EYS: variants seen among roughly 807,000 people sequenced by gnomAD.
The protein encoded by EYS is protein eyes shut homolog.
In EYS, 250 loss-of-function variants were observed where a neutral mutation model predicts 282.1. The ratio of observed to expected loss-of-function variants is 0.89; its 90% CI spans 0.80 to 0.98. EYS has a LOEUF of 0.98. EYS is among the 50% of genes least tolerant of loss of function. EYS has a pLI of 0.00. For missense variants in EYS, 4,016 were observed against 3,709.0 expected (o/e 1.08, Z -2.15); for synonymous variants, 1,355 against 1,282.9 (o/e 1.06, Z -1.20).
Position 65,330,639 on chromosome 6 carries a change from G to A in EYS, c.1766+4341C>T, listed in dbSNP as rs1502966. 3.6e-3 allele frequency: 3,317 copies of A among 933,126 alleles called. 81 individuals carry two copies. The African/African-American group carries it at 0.054, about 15-fold the overall frequency. 57.8% of individuals were successfully genotyped at this position (933,126 alleles called of 1,614,324 possible). A position where few individuals can be genotyped will look rare whatever the true frequency, so the allele number is the denominator to read the frequency against. ...ACACTTTAAAAGAAAATGTTTATAC[G>A]CTATTCATTAACTTTGTGTCCGTTA... On this transcript the variant is annotated intron_variant, in intron 11 of 42. Transcript: ENST00000503581.
rs571965626 is a variant in EYS, at chr6:63,885,803, G to A, written c.7056-21445C>T. Among the ~76,000 whole-genome samples the A allele has an allele frequency of 5.3e-5, 8 of 152,124 alleles. No individual in the cohort carries two copies. The East Asian group carries it at 9.6e-4, about 18-fold the overall frequency. The stretch of plus-strand genomic sequence containing the variant: ...CCTTTGCAAGAACTTGACCCAATTC[G>A]GGACTAAAAAGAAAATCTTTATATT... On this transcript the variant is annotated intron_variant, in intron 35 of 42. Transcript: ENST00000503581.
In EYS at chr6:64,471,310, T is replaced by C. The variant is rs77949171; in HGVS notation, c.5645-31958A>G. 3.9e-5 allele frequency among the ~76,000 whole-genome samples: 6 copies of C among 152,210 alleles called. No homozygotes were observed. In the East Asian group the frequency reaches 1.2e-3, roughly 29 times the overall value. On this transcript the variant is annotated intron_variant, in intron 26 of 42. Coordinates refer to ENST00000503581, the MANE Select transcript of EYS (RefSeq NM_001142800.2). Reference sequence around the variant, plus strand: ...AAAAGAGGAAGTCAAATTGTCTCTGTTTGCAGGTGATATAATCCTATGTAG... The same window carrying C: ...AAAAGAGGAAGTCAAATTGTCTCTGCTTGCAGGTGATATAATCCTATGTAG...
At chr6:64,646,493 T>A (rs1400939791) in intron 22 of EYS, among the ~76,000 whole-genome samples, 1 of 152,102 alleles carries the variant, frequency 6.6e-6, no homozygotes, top group East Asian at 1.9e-4. Flanking sequence ...TTTATGAAGT[T>A]TGAGATATTT....
At chr6:64,444,371 A>T (rs375196517) in intron 26 of EYS, among the ~76,000 whole-genome samples, 7 of 152,250 alleles carry the variant, frequency 4.6e-5, no homozygotes, top group African/African-American at 1.4e-4. Flanking sequence ...TTTTTATCTA[A>T]TACCATTTTT....
chr6:64,227,347 T>A (rs1472519083), intron 31 of EYS, among the ~76,000 whole-genome samples: 1 of 152,204 alleles, frequency 6.6e-6, no homozygotes, highest in East Asian at 1.9e-4. Context: ...TAAAGAAAAC[T>A]CTCTTTTCTT....
rs754217216 is a variant in EYS at position 65,405,325 on chromosome 6, A to G, written c.905T>C (p.Leu302Pro). 7 of 1,613,250 alleles carry G rather than the reference A, an allele frequency of 4.3e-6. No individual in the cohort carries two copies. Among genetic ancestry groups the G allele is most frequent in the Non-Finnish European group, 5.9e-6 (7 of 1,179,598 alleles). Residue 302 changes from leucine to proline, a missense_variant, in exon 6 of 43, where the codon CTT becomes CCT. Leu to Pro is a moderately conservative substitution (Grantham distance 98, BLOSUM62 -3). Transcript: ENST00000503581. ...TGGGCAAATTCCTCTTTTCCAAAAA[A>G]GCAGAGAAACACAAGGTTTTGCTGA... Reference protein sequence around the residue: ...EVSAKPCVSLLFWKRGICPNS... With the variant: ...EVSAKPCVSLPFWKRGICPNS...
intron 1 of EYS, among the ~76,000 whole-genome samples, chr6:65,680,130 C>G (rs991678392): frequency 6.8e-6 from 1 of 147,860 alleles, no homozygotes; most frequent in Non-Finnish European, 1.5e-5. Context: ...CAAATGTTCT[C>G]AATCAATATA....
intron 39 of EYS, among the ~76,000 whole-genome samples, chr6:63,780,502 T>A (rs1216576387): frequency 1.3e-5 from 2 of 152,264 alleles, no homozygotes; most frequent in African/African-American, 4.8e-5. Flanking sequence ...TGGCCACTGA[T>A]GATGAGCATT....
At chr6:64,133,475 T>C (rs1432156655) in intron 31 of EYS, among the ~76,000 whole-genome samples, 3 of 108,114 alleles carry the variant, frequency 2.8e-5, no homozygotes, top group Non-Finnish European at 6.0e-5. Flanking sequence ...TTTGCATTAC[T>C]TCACACACAC....
intron 30 of EYS, among the ~76,000 whole-genome samples, chr6:64,295,485 AAGAAG>A (rs1392813037): frequency 1.6e-4 from 7 of 42,954 alleles, no homozygotes; most frequent in East Asian, 8.5e-4. Flanking sequence ...GAAGAAGAAG[AAGAAG>A]AAGAAGAAAG....
intron 2 of EYS, among the ~76,000 whole-genome samples, chr6:65,542,063 A>T (rs1230786911): frequency 6.6e-6 from 1 of 152,178 alleles, no homozygotes; most frequent in Non-Finnish European, 1.5e-5. Context: ...TTAATGTGCA[A>T]GGAATTGACT....
intron 12 of EYS, among the ~76,000 whole-genome samples, chr6:65,240,444 C>T (rs1454143513): frequency 6.6e-6 from 1 of 152,070 alleles, no homozygotes; most frequent in Non-Finnish European, 1.5e-5. Flanking sequence ...CCCTCCCAAC[C>T]CTCTCTAGTA....
chr6:64,781,301 T>C (rs1027362097), intron 22 of EYS, among the ~76,000 whole-genome samples: 1 of 152,172 alleles, frequency 6.6e-6, no homozygotes, highest in Non-Finnish European at 1.5e-5. Context: ...TTTGTGGGGA[T>C]AGGGACTAAG....
intron 36 of EYS, among the ~76,000 whole-genome samples, chr6:63,855,089 T>C (rs1772356636): frequency 6.6e-6 from 1 of 152,246 alleles, no homozygotes; most frequent in African/African-American, 2.4e-5. Flanking sequence ...TTAATGCTGT[T>C]ATTGCAGGAA....
chr6:63,856,992 A>G (rs1482994462), intron 36 of EYS, among the ~76,000 whole-genome samples: 1 of 152,212 alleles, frequency 6.6e-6, no homozygotes, highest in Admixed American at 6.5e-5. Flanking sequence ...TTAGCTCCAT[A>G]TAACAGACAA....
At chr6:64,281,605 C>T (rs1768312353) in intron 30 of EYS, among the ~76,000 whole-genome samples, 1 of 152,018 alleles carries the variant, frequency 6.6e-6, no homozygotes, top group Non-Finnish European at 1.5e-5. Context: ...TTGACATTTT[C>T]AAACCAAACA....
intron 12 of EYS, among the ~76,000 whole-genome samples, chr6:65,198,248 T>C (rs1486433078): frequency 6.6e-6 from 1 of 152,080 alleles, no homozygotes; most frequent in Non-Finnish European, 1.5e-5. Flanking sequence ...GGCAGTAACA[T>C]GTATGGAGTT....
chr6:65,299,049 A>G (rs1464721500), intron 11 of EYS, among the ~76,000 whole-genome samples: 3 of 152,142 alleles, frequency 2.0e-5, no homozygotes, highest in Admixed American at 2.0e-4. Flanking sequence ...AATCAAAAGG[A>G]AATCAAGTGT....
intron 12 of EYS, among the ~76,000 whole-genome samples, chr6:65,244,733 A>G (rs975237146): frequency 6.6e-6 from 1 of 150,610 alleles, no homozygotes; most frequent in African/African-American, 2.4e-5. Flanking sequence ...CGTGTTAGCT[A>G]GGATGGTCTC....
Sources: gnomAD v4.1 joint callset for allele counts (sites outside exome capture counted in the v4.1 genomes callset) on GRCh38, gnomAD v4.1.1 for gene constraint, MANE v1.5 for transcripts, NCBI Gene and HGNC (gene_info 2026-07-23, HGNC 2026-07-21) for gene names.